The following ANK1 variants were observed in gnomAD, a reference collection of about 807,000 sequenced individuals.
The protein encoded by ANK1 is ankyrin-1.
ANK1 carries 51 observed loss-of-function variants against 210.4 expected under a neutral mutation model. The ratio of observed to expected loss-of-function variants is 0.24; its 90% CI spans 0.19 to 0.31. The LOEUF is 0.31. ANK1 is among the 10% of genes least tolerant of loss of function. The pLI, the probability that ANK1 is intolerant of heterozygous loss-of-function variation, is 1.00. For missense variants in ANK1, 2,051 were observed against 2,504.4 expected (o/e 0.82, Z 3.86); for synonymous variants, 967 against 1,025.9 (o/e 0.94, Z 1.10).
At chr8:41,719,390 G>A (rs996359784) in intron 10 of ANK1, among the ~76,000 whole-genome samples, 1 of 152,198 alleles carries the variant, frequency 6.6e-6, no homozygotes, top group Admixed American at 6.5e-5. Flanking sequence ...GATGCTTCCT[G>A]AGTCCGGTCT....
At chr8:41,763,889 C>CTTTTTTTT (rs869100297) in intron 1 of ANK1, among the ~76,000 whole-genome samples, 750 of 57,878 alleles carry the variant, frequency 0.013, 1 homozygote, top group African/African-American at 0.023. Context: ...TTCTTTTTTT[C>CTTTTTTTT]TTTTTTTTTT....
At position 41,719,101 on chromosome 8, in the gene ANK1, G is replaced by T. The variant is rs186910983; in HGVS notation, c.1107+560C>A. 3.7e-3 allele frequency among the ~76,000 whole-genome samples: 562 copies of T among 152,306 alleles called. 4 individuals carry two copies. Among genetic ancestry groups the T allele is most frequent in the Non-Finnish European group, 5.4e-3 (365 of 68,030 alleles). ...AGATGTGGTTACAGGCATGCTTAGT[G>T]CAAAGCTACAGCCCTGCTGGATCCC... is the stretch of plus-strand genomic sequence containing the variant. On this transcript the variant is annotated intron_variant, in intron 10 of 42. Coordinates refer to ENST00000289734, the MANE Select transcript of ANK1 (RefSeq NM_000037.4).
chr8:41,893,653 C>T (rs1215109450), intron 1 of ANK1, among the ~76,000 whole-genome samples: 4 of 152,206 alleles, frequency 2.6e-5, no homozygotes, highest in Non-Finnish European at 5.9e-5. Flanking sequence ...GGACAAACAC[C>T]TTTCCTTTGA....
chr8:41,807,776 T>G (rs1287522443), intron 1 of ANK1, among the ~76,000 whole-genome samples: 3 of 152,108 alleles, frequency 2.0e-5, no homozygotes, highest in Admixed American at 6.5e-5. Flanking sequence ...GGACGCTAGT[T>G]GAAGAAAGCC....
Position 41,694,165 on chromosome 8 carries a change from G to A in ANK1, c.3328-63C>T. 1 of 1,526,234 alleles carries A rather than the reference G, an allele frequency of 6.6e-7. No homozygotes were observed. Among genetic ancestry groups the A allele is most frequent in the Non-Finnish European group, 9.0e-7 (1 of 1,116,246 alleles). 94.5% of individuals were successfully genotyped at this position (1,526,234 alleles called of 1,614,324 possible). On this transcript the variant is annotated intron_variant, in intron 28 of 42. Coordinates refer to ENST00000289734, the MANE Select transcript of ANK1 (RefSeq NM_000037.4). The surrounding 1 kb of genome is among the most constrained non-coding windows in gnomAD (Gnocchi z 5.7). ...AGGAGAGGGGCTAATCAGACGGGAG[G>A]CAGCTCCATGCCTGGTGAGAGTGGC...
Position 41,655,632 on chromosome 8 carries a change from A to G in ANK1, c.*158T>C. The stretch of plus-strand genomic sequence containing the variant: ...GAGGGGACTAGCAGGAGTCCCTTAC[A>G]GAGGTCATGCCGTCAGCCCAGAGGA... On this transcript the variant is annotated 3_prime_UTR_variant, in exon 43 of 43. Coordinates refer to ENST00000289734, the MANE Select transcript of ANK1 (RefSeq NM_000037.4). The G allele has an allele frequency of 2.0e-6, 3 of 1,475,278 alleles. No homozygotes were observed. Among genetic ancestry groups the G allele is most frequent in the Non-Finnish European group, 2.8e-6 (3 of 1,057,300 alleles). The allele number at this position is 1,475,278 out of a possible 1,614,324, so 91.4% of individuals were successfully genotyped here. A position where few individuals can be genotyped will look rare whatever the true frequency, so the allele number is the denominator to read the frequency against.
chr8:41,791,273 G>C (rs1473347536), intron 1 of ANK1, among the ~76,000 whole-genome samples: 1 of 128,094 alleles, frequency 7.8e-6, no homozygotes, highest in Non-Finnish European at 1.6e-5. Flanking sequence ...CTGGGTTCAA[G>C]TGATTCTCCT....
At chr8:41,869,457 G>A (rs959255602) in intron 1 of ANK1, among the ~76,000 whole-genome samples, 29 of 152,190 alleles carry the variant, frequency 1.9e-4, no homozygotes, top group African/African-American at 6.8e-4. Flanking sequence ...GCTCTCGCCT[G>A]TTGTCCCAGG....
rs144543309 is a variant in ANK1 at position 41,875,197 on chromosome 8, C to T, written c.126+21158G>A. On this transcript the variant is annotated intron_variant, in intron 1 of 42. Coordinates refer to the ANK1 transcript ENST00000265709. ...CCTCCAAGTCCTGGTCACCCAGATG[C>T]GGGGGCTCCTGCACCTCTTGTCCCC... Among the ~76,000 whole-genome samples the T allele has an allele frequency of 9.1e-4, 139 of 152,294 alleles. 2 individuals carry two copies. The South Asian group carries it at 0.023, about 25-fold the overall frequency.
chr8:41,751,766 C>T lies in ANK1; in HGVS notation c.129+6270G>A, dbSNP rs576645746. 2.6e-5 allele frequency among the ~76,000 whole-genome samples: 4 copies of T among 152,280 alleles called. No individual in the cohort carries two copies. The South Asian group carries it at 8.3e-4, about 32-fold the overall frequency. On this transcript the variant is annotated intron_variant, in intron 2 of 42. Transcript: ENST00000289734. ...CAGTCTTGCCGCTCTTGTCCCTGTG[C>T]TCTGAGTCTATCCTCCACACAGCAG...
chr8:41,855,524 A>G (rs1210330974), intron 1 of ANK1, among the ~76,000 whole-genome samples: 1 of 152,226 alleles, frequency 6.6e-6, no homozygotes, highest in African/African-American at 2.4e-5. Context: ...CGCTTTCTAT[A>G]TAGAGGAACC....
At chr8:41,828,840 G>A (rs1340267413) in intron 1 of ANK1, 1 of 152,276 alleles carries the variant, frequency 6.6e-6, no homozygotes, top group Non-Finnish European at 1.5e-5. Context: ...GGGCCTGGGA[G>A]GCTGCGCCTT....
rs1803431250 is a variant in ANK1, at chr8:41,816,871, A to G, written c.127-58734T>C. Among the ~76,000 whole-genome samples the G allele has an allele frequency of 2.0e-5, 3 of 152,260 alleles. No homozygotes were observed. The South Asian group carries it at 6.2e-4, about 31-fold the overall frequency. ...TTAAATAGACCTTATCCAGAGATAG[A>G]AAATATCACATTACATGACATACAT... On this transcript the variant is annotated intron_variant, in intron 1 of 42. Transcript: ENST00000265709.
rs1448363688 is a variant in ANK1, at chr8:41,672,510, T to C, written c.4940A>G (p.Glu1647Gly). The C allele has an allele frequency of 1.2e-6, 2 of 1,614,206 alleles. No homozygotes were observed. Among genetic ancestry groups the C allele is most frequent in the South Asian group, 1.1e-5 (1 of 91,076 alleles). ...LLEQEEGQRS[E>G]EKLPGSKRQD... ...CCTCTTAGAACCTGGCAGCTTCTCT[T>C]CTGACCTCTGACCTTCCTCCTGTTC... Residue 1647 changes from glutamate (E) to glycine (G), a missense_variant, in exon 38 of 43, where the codon GAA (glutamate) becomes GGA (glycine). By Grantham distance (98) the Glu-to-Gly change is moderately conservative (BLOSUM62 -2). This residue lies in a region of ANK1 where 496 missense variants were observed against 533.4 expected (regional missense o/e 0.93). Transcript: ENST00000289734.
chr8:41,890,722 A>G lies in ANK1; in HGVS notation c.126+5633T>C, dbSNP rs536950359. On this transcript the variant is annotated intron_variant, in intron 1 of 42. Coordinates refer to the ANK1 transcript ENST00000265709. ...AGACTCCGTCTCAAAAAAAAAAAAA[A>G]AAAGAAAAAAGAAAAAAAGAAAAGA... 7.3e-5 allele frequency among the ~76,000 whole-genome samples: 11 copies of G among 151,580 alleles called. No individual in the cohort carries two copies. The East Asian group carries it at 1.3e-3, about 19-fold the overall frequency.
intron 1 of ANK1, among the ~76,000 whole-genome samples, chr8:41,779,852 A>G (rs1309096613): frequency 2.0e-5 from 3 of 152,180 alleles, no homozygotes; most frequent in African/African-American, 7.2e-5. Context: ...CGGCCACCGC[A>G]AGCATTCTGC....
rs539205867 is a variant in ANK1, at chr8:41,774,337, G to A, written c.28-16200C>T. ...GCCGCACAACAGAGGCTCCATAAAC[G>A]TTAGCTGGATTGGAATCCAGTCAAC... On this transcript the variant is annotated intron_variant, in intron 1 of 42. Transcript: ENST00000289734. Among the ~76,000 whole-genome samples, 16 of 152,340 alleles carry A rather than the reference G, an allele frequency of 1.1e-4. No homozygotes were observed. In the East Asian group the frequency reaches 2.7e-3, roughly 26 times the overall value.
Position 41,684,603 on chromosome 8 carries a change from A to G in ANK1, c.4478T>C (p.Leu1493Ser), listed in dbSNP as rs1432904975. 1.9e-6 allele frequency: 3 copies of G among 1,613,900 alleles called. No individual in the cohort carries two copies. The South Asian group carries it at 3.3e-5, about 18-fold the overall frequency. The change falls in exon 37 of 43, where the codon TTG (leucine) becomes TCG (serine). Residue 1493 changes from leucine (L) to serine (S), a missense_variant. Leu to Ser is a moderately radical substitution (Grantham distance 145). Around this residue, in one of 6 missense-constraint regions of ANK1, gnomAD observed 496 missense variants for 533.4 expected, o/e 0.93. Coordinates refer to ENST00000289734, the MANE Select transcript of ANK1 (RefSeq NM_000037.4). ...LEGSGRQSRN[L>S]KPDRRHTDRD... ...GTCGGTGTGCCGCCTGTCTGGCTTC[A>G]AGTTGCGGCTCTGTCGGCCGGAACC... is the stretch of plus-strand genomic sequence containing the variant.
At chr8:41,752,105 C>T (rs60792897) in intron 2 of ANK1, among the ~76,000 whole-genome samples, 76,966 of 151,970 alleles carry the variant, frequency 0.51, 20,370 homozygotes, top group Middle Eastern at 0.64. Flanking sequence ...TCTTGAAAGT[C>T]GTCTCCCTAG....
Sources: allele counts gnomAD v4.1 joint callset (sites outside exome capture counted in the v4.1 genomes callset), GRCh38; gene constraint gnomAD v4.1.1; regional missense constraint gnomAD v4.1.1; non-coding constraint Gnocchi (gnomAD v3.1); transcripts MANE v1.5; gene names NCBI Gene and HGNC (gene_info 2026-07-23, HGNC 2026-07-21).